TSHZ2: variants seen among roughly 807,000 people sequenced by gnomAD.
TSHZ2 encodes teashirt homolog 2.
Under a neutral mutation model 74.4 loss-of-function variants are expected in TSHZ2, and 21 were observed. The observed-to-expected ratio is 0.28, with a 90% CI of 0.20 to 0.41. The LOEUF (loss-of-function observed/expected upper bound fraction) is 0.41, where lower values mean the gene tolerates loss of function less well. Among genes scored for constraint, TSHZ2 ranks in the 10% least tolerant of loss-of-function variants. The pLI, the probability that TSHZ2 is intolerant of heterozygous loss-of-function variation, is 1.00. For synonymous variants in TSHZ2, 540 were observed against 515.3 expected, an observed-to-expected ratio of 1.05 and a Z score of -0.65; for missense variants, 1,244 against 1,293.5, an observed-to-expected ratio of 0.96 and a Z score of 0.59.
At chr20:53,027,252 A>G (rs539020352) in intron 1 of TSHZ2, among the ~76,000 whole-genome samples, 26 of 152,328 alleles carry the variant, frequency 1.7e-4, no homozygotes, top group African/African-American at 6.3e-4. Context: ...AAATATATGC[A>G]TATGTATTTA....
intron 2 of TSHZ2, among the ~76,000 whole-genome samples, chr20:53,334,437 T>A (rs999141044): frequency 6.6e-5 from 10 of 151,858 alleles, no homozygotes; most frequent in African/African-American, 2.4e-4. Context: ...GGTGGGAGCA[T>A]GCCTGGTATG....
intron 2 of TSHZ2, among the ~76,000 whole-genome samples, chr20:53,408,621 GAGGAA>G (rs72211555): frequency 0.083 from 12,602 of 152,080 alleles, 1,347 homozygotes; most frequent in African/African-American, 0.24. Context: ...TGACAGTTGG[GAGGAA>G]AGGGGCCAAA....
chr20:53,473,666 T>C (rs1324268127), intron 2 of TSHZ2, among the ~76,000 whole-genome samples: 1 of 151,418 alleles, frequency 6.6e-6, no homozygotes, highest in Non-Finnish European at 1.5e-5. Flanking sequence ...AGAATGACTT[T>C]GACGAGCTGA....
intron 2 of TSHZ2, among the ~76,000 whole-genome samples, chr20:53,263,441 C>T (rs1025674383): frequency 6.6e-6 from 1 of 152,216 alleles, no homozygotes; most frequent in East Asian, 1.9e-4. Flanking sequence ...CCTAGCATGC[C>T]GGCAGGGGCC....
At chr20:53,415,517 C>T (rs1983206366) in intron 2 of TSHZ2, among the ~76,000 whole-genome samples, 3 of 151,962 alleles carry the variant, frequency 2.0e-5, no homozygotes, top group Non-Finnish European at 2.9e-5. Context: ...TCCTACTCTA[C>T]AGGCCTCCCA....
intron 1 of TSHZ2, among the ~76,000 whole-genome samples, chr20:53,180,207 G>C (rs1396666024): frequency 6.6e-6 from 1 of 152,164 alleles, no homozygotes; most frequent in South Asian, 2.1e-4. Flanking sequence ...TGATAGAATT[G>C]TACACTGTAT....
At chr20:53,207,476 G>C (rs1989197001) in intron 1 of TSHZ2, among the ~76,000 whole-genome samples, 1 of 152,116 alleles carries the variant, frequency 6.6e-6, no homozygotes. Flanking sequence ...GGTCAGTAGA[G>C]AGGAGATGCC....
chr20:53,106,153 G>A (rs936769664), intron 1 of TSHZ2, among the ~76,000 whole-genome samples: 1 of 151,966 alleles, frequency 6.6e-6, no homozygotes, highest in African/African-American at 2.4e-5. Context: ...ATTAATTGCA[G>A]TCATCTTCCT....
At chr20:53,111,234 G>A (rs1986526968) in intron 1 of TSHZ2, among the ~76,000 whole-genome samples, 2 of 152,180 alleles carry the variant, frequency 1.3e-5, no homozygotes, top group South Asian at 4.1e-4. Context: ...GACGTGGCCA[G>A]GAGAAGATTA....
At chr20:53,091,369 C>T (rs201839173) in intron 1 of TSHZ2, among the ~76,000 whole-genome samples, 1 of 152,172 alleles carries the variant, frequency 6.6e-6, no homozygotes, top group African/African-American at 2.4e-5. Context: ...AGCCACTTCT[C>T]TAGGTTTGTA....
rs112911673 is a variant in TSHZ2 at position 53,362,466 on chromosome 20, G to A, written c.*8+105895G>A. Among the ~76,000 whole-genome samples, 648 of 152,278 alleles carry A rather than the reference G, an allele frequency of 4.3e-3. 2 individuals carry two copies. The highest frequency in any genetic ancestry group is 0.014 in the African/African-American group (586 of 41,542). ...CCCAAAGTGCTGGAATTACAGGCCT[G>A]AGCCACCGTGCCCGGCCCACACAGT... On this transcript the variant is annotated intron_variant, in intron 2 of 2. Coordinates refer to ENST00000371497, the MANE Select transcript of TSHZ2 (RefSeq NM_173485.6).
intron 2 of TSHZ2, among the ~76,000 whole-genome samples, chr20:53,448,323 AG>A (rs749825048): frequency 1.3e-5 from 2 of 152,154 alleles, no homozygotes; most frequent in African/African-American, 2.4e-5. Context: ...AAGGAAGAGG[AG>A]TTGGTCAACA....
intron 2 of TSHZ2, among the ~76,000 whole-genome samples, chr20:53,445,216 AATAAG>A (rs1181549080): frequency 2.6e-5 from 4 of 152,224 alleles, no homozygotes; most frequent in Non-Finnish European, 5.9e-5. Context: ...TAAACACATA[AATAAG>A]ATAAATTTAT....
intron 2 of TSHZ2, among the ~76,000 whole-genome samples, chr20:53,446,572 C>T: frequency 9.5e-6 from 1 of 104,736 alleles, no homozygotes. Context: ...GAGCGAGACT[C>T]TGTCGCAAAA....
chr20:53,296,792 A>G (rs1365616251), intron 2 of TSHZ2, among the ~76,000 whole-genome samples: 1 of 152,178 alleles, frequency 6.6e-6, no homozygotes, highest in Non-Finnish European at 1.5e-5. Context: ...CATATTTTTC[A>G]TGCAAGCTTT....
intron 1 of TSHZ2, among the ~76,000 whole-genome samples, chr20:53,103,734 C>T (rs189421014): frequency 4.6e-5 from 7 of 152,266 alleles, no homozygotes; most frequent in Admixed American, 1.3e-4. Context: ...GCTGTTTATA[C>T]GAAGCTGGTG....
At chr20:53,094,942 C>G (rs769037127) in intron 1 of TSHZ2, among the ~76,000 whole-genome samples, 2 of 152,114 alleles carry the variant, frequency 1.3e-5, no homozygotes, top group Non-Finnish European at 2.9e-5. Flanking sequence ...TTTGCAGATG[C>G]CTTCTTATTT....
intron 1 of TSHZ2, among the ~76,000 whole-genome samples, chr20:53,050,137 ATG>A (rs1244702184): frequency 4.1e-5 from 4 of 96,908 alleles, no homozygotes; most frequent in East Asian, 4.4e-4. Context: ...ACATATATAT[ATG>A]TGTATATATA....
intron 1 of TSHZ2, among the ~76,000 whole-genome samples, chr20:53,202,620 T>A (rs1989036387): frequency 6.6e-6 from 1 of 152,186 alleles, no homozygotes; most frequent in Non-Finnish European, 1.5e-5. Flanking sequence ...GAACATAAGA[T>A]TGAGACTTAT....
Sources: gnomAD v4.1 joint callset for allele counts (sites outside exome capture counted in the v4.1 genomes callset) on GRCh38, gnomAD v4.1.1 for gene constraint, MANE v1.5 for transcripts, NCBI Gene and HGNC (gene_info 2026-07-23, HGNC 2026-07-21) for gene names.